OR2C1: variants seen among roughly 807,000 people sequenced by gnomAD.
OR2C1 encodes the protein olfactory receptor family 2 subfamily C member 1.
For synonymous variants in OR2C1, 209 were observed against 167.3 expected (o/e 1.25, Z -1.92); for missense variants, 468 against 388.3 (o/e 1.21, Z -1.73).
chr16:3,353,489 CAAAAA>C (rs58703245), upstream of OR2C1, among the ~76,000 whole-genome samples: 3 of 82,964 alleles, frequency 3.6e-5, no homozygotes, highest in African/African-American at 4.5e-5. Flanking sequence ...GACTCCGTCT[CAAAAA>C]AAAAAAAAAA....
At chr16:3,353,520 G>T (rs1189667837), upstream of OR2C1, among the ~76,000 whole-genome samples, 2 of 149,398 alleles carry the variant, frequency 1.3e-5, no homozygotes. Flanking sequence ...GAATAAGTAG[G>T]CCGGGAATGG....
the OR2C1 span, among the ~76,000 whole-genome samples, chr16:3,325,883 T>C: frequency 6.6e-6 from 1 of 151,522 alleles, no homozygotes; most frequent in East Asian, 1.9e-4. Flanking sequence ...ATGGAGATTA[T>C]CTCCAAAGCA....
the OR2C1 span, among the ~76,000 whole-genome samples, chr16:3,344,498 C>T: frequency 3.3e-5 from 5 of 152,052 alleles, no homozygotes; most frequent in Admixed American, 2.0e-4. Context: ...GAGGCCGAGG[C>T]GGGTGGATCA....
chr16:3,348,618 A>G, the OR2C1 span, among the ~76,000 whole-genome samples: 1 of 152,202 alleles, frequency 6.6e-6, no homozygotes, highest in Non-Finnish European at 1.5e-5. Context: ...CCCACAGGAC[A>G]GTGGGCCCCA....
chr16:3,323,531 C>T, the OR2C1 span: 23 of 750,638 alleles, frequency 3.1e-5, no homozygotes, highest in East Asian at 9.8e-5. Context: ...TTCCACTATA[C>T]GCAGCATTTT....
chr16:3,345,765 CTT>C, the OR2C1 span, among the ~76,000 whole-genome samples: 6 of 150,418 alleles, frequency 4.0e-5, no homozygotes, highest in East Asian at 3.9e-4. Flanking sequence ...CTCGTTCTCT[CTT>C]TCTCTCCCTC....
At chr16:3,328,999 T>TAATC in the OR2C1 span, among the ~76,000 whole-genome samples, 2 of 150,362 alleles carry the variant, frequency 1.3e-5, no homozygotes, top group Admixed American at 6.6e-5. Context: ...ATTAATTAAT[T>TAATC]AATTAATTAA....
At chr16:3,352,738 C>CTTTTTTT (rs56083973), upstream of OR2C1, among the ~76,000 whole-genome samples, 1 of 113,114 alleles carries the variant, frequency 8.8e-6, no homozygotes, top group Non-Finnish European at 1.8e-5. Context: ...TTCTTTCTTT[C>CTTTTTTT]TTTTTTTTTT....
the OR2C1 span, among the ~76,000 whole-genome samples, chr16:3,347,322 G>C: frequency 6.7e-6 from 1 of 150,148 alleles, no homozygotes; most frequent in Non-Finnish European, 1.5e-5. Context: ...CTGAGCCCAG[G>C]AATTGGAGGC....
chr16:3,357,997 C>T (rs550009100), downstream of OR2C1, among the ~76,000 whole-genome samples: 3 of 151,762 alleles, frequency 2.0e-5, no homozygotes, highest in Non-Finnish European at 4.4e-5. Flanking sequence ...ATAATAATAA[C>T]AATAATAATA....
upstream of OR2C1, among the ~76,000 whole-genome samples, chr16:3,351,066 A>G (rs2030565238): frequency 6.6e-6 from 1 of 151,212 alleles, no homozygotes; most frequent in Admixed American, 6.6e-5. Flanking sequence ...AACTTAAGAT[A>G]TATTCAGTGC....
the OR2C1 span, among the ~76,000 whole-genome samples, chr16:3,339,769 A>G: frequency 9.5e-4 from 145 of 152,228 alleles, no homozygotes; most frequent in Non-Finnish European, 1.8e-3. Flanking sequence ...TTTTACTTTC[A>G]TATCAGCAAT....
chr16:3,328,812 CAGA>C, the OR2C1 span, among the ~76,000 whole-genome samples: 1 of 152,072 alleles, frequency 6.6e-6, no homozygotes, highest in Admixed American at 6.6e-5. Context: ...AGAGTGTTGC[CAGA>C]AGTACTATGC....
At chr16:3,344,860 T>C in the OR2C1 span, among the ~76,000 whole-genome samples, 5 of 152,158 alleles carry the variant, frequency 3.3e-5, no homozygotes, top group African/African-American at 7.2e-5. Context: ...CATCTGGGTA[T>C]ATCTCTATTA....
the OR2C1 span, among the ~76,000 whole-genome samples, chr16:3,324,323 GGCACCACAGGTGT>G: frequency 6.6e-6 from 1 of 152,062 alleles, no homozygotes; most frequent in Non-Finnish European, 1.5e-5. Context: ...CCAAGTAGCT[GGCACCACAGGTGT>G]GCACCACCAC....
chr16:3,330,420 T>A, the OR2C1 span, among the ~76,000 whole-genome samples: 2 of 152,152 alleles, frequency 1.3e-5, no homozygotes, highest in African/African-American at 4.8e-5. Context: ...CCGGCTGATT[T>A]TAAGACTTTT....
At chr16:3,351,462 T>G (rs1474340077), upstream of OR2C1, among the ~76,000 whole-genome samples, 1 of 152,120 alleles carries the variant, frequency 6.6e-6, no homozygotes, top group Non-Finnish European at 1.5e-5. Flanking sequence ...GAAAATTTGT[T>G]ATGGAGAATG....
chr16:3,353,732 C>T (rs571948025), upstream of OR2C1, among the ~76,000 whole-genome samples: 1 of 148,060 alleles, frequency 6.8e-6, no homozygotes, highest in East Asian at 2.1e-4. Context: ...ACCTGGGAGG[C>T]AGAGGTTGCA....
chr16:3,328,913 A>G, the OR2C1 span, among the ~76,000 whole-genome samples: 2 of 152,020 alleles, frequency 1.3e-5, no homozygotes, highest in African/African-American at 4.8e-5. Flanking sequence ...CACTTACTTT[A>G]TCACCAAGGT....
Sources: allele counts gnomAD v4.1 joint callset (sites outside exome capture counted in the v4.1 genomes callset), GRCh38; gene constraint gnomAD v4.1.1; transcripts MANE v1.5; gene names NCBI Gene and HGNC (gene_info 2026-07-23, HGNC 2026-07-21).